AKAP14: variants seen among roughly 807,000 people sequenced by gnomAD.
AKAP14 encodes A-kinase anchoring protein 14.
AKAP14 carries 4 observed loss-of-function variants against 17.0 expected under a neutral mutation model. The ratio of observed to expected loss-of-function variants is 0.23; its 90% CI spans 0.12 to 0.54. The LOEUF (loss-of-function observed/expected upper bound fraction) is 0.54. Ranked by LOEUF, AKAP14 falls within the 20% of genes least tolerant of loss-of-function variation. The pLI is 0.95. For synonymous variants in AKAP14, 42 were observed against 51.3 expected, an observed-to-expected ratio of 0.82 and a Z score of 0.77; for missense variants, 129 against 150.9, an observed-to-expected ratio of 0.85 and a Z score of 0.76.
chrX:119,897,410 T>G (rs371545314), intron 2 of AKAP14, among the ~76,000 whole-genome samples: 2 of 110,702 alleles, frequency 1.8e-5, no homozygotes, highest in South Asian at 7.5e-4. Context: ...CCGCCCGCCT[T>G]GGCCTCCCAA....
chrX:119,912,528 A>G (rs985530749), intron 4 of AKAP14, among the ~76,000 whole-genome samples: 3 of 101,725 alleles, frequency 2.9e-5, no homozygotes, highest in African/African-American at 1.1e-4. Flanking sequence ...AACTGAATGA[A>G]TGCTACTTTT....
At chrX:119,919,629 T>C (rs1046071256) in intron 5 of AKAP14, among the ~76,000 whole-genome samples, 3 of 111,995 alleles carry the variant, frequency 2.7e-5, no homozygotes, top group Non-Finnish European at 3.8e-5. Flanking sequence ...GCGGATCACC[T>C]GAGGTCAGGA....
intron 4 of AKAP14, among the ~76,000 whole-genome samples, chrX:119,904,685 C>G (rs1306673041): frequency 1.8e-5 from 2 of 111,356 alleles, no homozygotes; most frequent in African/African-American, 6.5e-5. Flanking sequence ...GAGTTCAAGT[C>G]CAGCCTGGCC....
chrX:119,908,159 T>C (rs2056608163), intron 4 of AKAP14, among the ~76,000 whole-genome samples: 1 of 109,940 alleles, frequency 9.1e-6, no homozygotes. Flanking sequence ...TGGTAGTGTG[T>C]GCCTGTAATC....
intron 5 of AKAP14, among the ~76,000 whole-genome samples, chrX:119,919,101 ACAC>A (rs1224381852): frequency 8.9e-6 from 1 of 111,988 alleles, no homozygotes; most frequent in African/African-American, 3.2e-5. Flanking sequence ...GAACAAGACT[ACAC>A]CAGAGACCAC....
At chrX:119,898,949 A>ACC (rs1331300525) in intron 2 of AKAP14, among the ~76,000 whole-genome samples, 1 of 107,358 alleles carries the variant, frequency 9.3e-6, no homozygotes, top group African/African-American at 3.4e-5. Flanking sequence ...TGGGTGGATC[A>ACC]GGAGGTCAGG....
chrX:119,906,690 T>C (rs1369688537), intron 4 of AKAP14, among the ~76,000 whole-genome samples: 1 of 111,010 alleles, frequency 9.0e-6, no homozygotes, highest in Non-Finnish European at 1.9e-5. Flanking sequence ...CCTGCCACCA[T>C]GCCAGGCCAA....
intron 4 of AKAP14, among the ~76,000 whole-genome samples, chrX:119,914,063 C>T (rs1023583559): frequency 1.8e-5 from 2 of 108,812 alleles, no homozygotes; most frequent in Non-Finnish European, 3.8e-5. Flanking sequence ...GGTGAAACGC[C>T]GTCTCTACTA....
chrX:119,909,129 T>C (rs2056613748), intron 4 of AKAP14, among the ~76,000 whole-genome samples: 2 of 111,463 alleles, frequency 1.8e-5, no homozygotes, highest in South Asian at 3.7e-4. Flanking sequence ...AGTCTGTGAT[T>C]GTGTGACAGA....
At position 119,903,481 on chromosome X, in the gene AKAP14, C is replaced by T. The variant is rs199640991; in HGVS notation, c.170-14C>T. ...CTACCTGGCAACTAACGAACTCACA[C>T]CTTTTTTTTGCAGAGGAGCGAAACC... On this transcript the variant is annotated splice_polypyrimidine_tract_variant and intron_variant, in intron 3 of 6. Transcript: ENST00000371431. 8.3e-7 allele frequency: 1 copy of T among 1,211,615 alleles called. No homozygotes were observed. Among genetic ancestry groups the T allele is most frequent in the Non-Finnish European group, 1.1e-6 (1 of 895,535 alleles).
intron 2 of AKAP14, among the ~76,000 whole-genome samples, chrX:119,898,527 C>T (rs2056544710): frequency 9.0e-6 from 1 of 110,747 alleles, no homozygotes; most frequent in Admixed American, 9.7e-5. Context: ...CGTGGTGGCT[C>T]ACACCTGTAA....
At chrX:119,907,129 ATTTT>A (rs200883865) in intron 4 of AKAP14, among the ~76,000 whole-genome samples, 1 of 98,801 alleles carries the variant, frequency 1.0e-5, no homozygotes, top group Admixed American at 1.1e-4. Flanking sequence ...TGTCTGTCTG[ATTTT>A]TTTTTTTTTT....
intron 5 of AKAP14, 96 bp from the exon 6 acceptor site, chrX:119,919,815 A>T: frequency 1.0e-6 from 1 of 973,518 alleles, no homozygotes; most frequent in Non-Finnish European, 1.4e-6. Flanking sequence ...CACTGCACTT[A>T]CACCTGGGAG....
At chrX:119,913,156 TA>T (rs2056638051) in intron 4 of AKAP14, among the ~76,000 whole-genome samples, 4 of 104,720 alleles carry the variant, frequency 3.8e-5, no homozygotes, top group African/African-American at 6.9e-5. Flanking sequence ...ATAAATAAAA[TA>T]AAATAAAATA....
At chrX:119,899,287 TG>T (rs1270722513) in intron 2 of AKAP14, among the ~76,000 whole-genome samples, 1 of 109,011 alleles carries the variant, frequency 9.2e-6, no homozygotes, top group Admixed American at 9.9e-5. Flanking sequence ...CCAGACACTG[TG>T]GGTGTACAGC....
intron 6 of AKAP14, 54 bp from the exon 7 acceptor site, chrX:119,920,454 A>G: frequency 9.9e-7 from 1 of 1,007,726 alleles, no homozygotes; most frequent in Non-Finnish European, 1.4e-6. Flanking sequence ...GTTTGATTTT[A>G]AAAGCTTTTG....
intron 2 of AKAP14, among the ~76,000 whole-genome samples, chrX:119,899,916 G>A (rs2147826910): frequency 9.0e-6 from 1 of 111,650 alleles, no homozygotes; most frequent in East Asian, 2.8e-4. Flanking sequence ...CTCAATGGAA[G>A]GATTGCTTGC....
intron 4 of AKAP14, among the ~76,000 whole-genome samples, chrX:119,904,132 C>T (rs929061847): frequency 1.8e-5 from 2 of 110,449 alleles, no homozygotes; most frequent in Non-Finnish European, 1.9e-5. Context: ...GAGACAGGGT[C>T]GTGCTATGTT....
intron 4 of AKAP14, among the ~76,000 whole-genome samples, chrX:119,913,517 T>C (rs1250552218): frequency 2.7e-5 from 3 of 112,855 alleles, no homozygotes; most frequent in Non-Finnish European, 5.6e-5. Flanking sequence ...GGCTCACACC[T>C]ATAATCCCAG....
Sources: gnomAD v4.1 joint callset for allele counts (sites outside exome capture counted in the v4.1 genomes callset) on GRCh38, gnomAD v4.1.1 for gene constraint, MANE v1.5 for transcripts, NCBI Gene and HGNC (gene_info 2026-07-23, HGNC 2026-07-21) for gene names.